The following LYST variants were observed in gnomAD, a reference collection of about 807,000 sequenced individuals.
LYST encodes the protein lysosomal trafficking regulator.
In LYST, 192 loss-of-function variants were observed where a neutral mutation model predicts 413.6. That is an observed-to-expected ratio of 0.46 (90% CI 0.41 to 0.52). The LOEUF (loss-of-function observed/expected upper bound fraction) is 0.52, where lower values mean the gene tolerates loss of function less well. Ranked by LOEUF, LYST falls within the 20% of genes least tolerant of loss-of-function variation. The probability of loss-of-function intolerance (pLI) is 0.00; values close to 1 mark genes in which losing one functional copy is unlikely to be tolerated. For missense variants in LYST, 3,815 were observed against 4,499.9 expected, an observed-to-expected ratio of 0.85 and a Z score of 4.35; for synonymous variants, 1,525 against 1,567.3, an observed-to-expected ratio of 0.97 and a Z score of 0.64.
chr1:235,701,615 G>A (rs1661558582), intron 45 of LYST, among the ~76,000 whole-genome samples: 2 of 152,122 alleles, frequency 1.3e-5, no homozygotes, highest in African/African-American at 2.4e-5. Context: ...GCGACAGAGC[G>A]AGACTCATCT....
intron 19 of LYST, among the ~76,000 whole-genome samples, chr1:235,770,729 T>C (rs1034146100): frequency 6.6e-6 from 1 of 152,202 alleles, no homozygotes; most frequent in Non-Finnish European, 1.5e-5. Flanking sequence ...CAAATCATAC[T>C]AAATTGAAGA....
intron 45 of LYST, 93 bp from the exon 46 acceptor site, chr1:235,697,365 T>C (rs1661193510): frequency 4.5e-6 from 4 of 886,524 alleles, no homozygotes; most frequent in East Asian, 2.6e-5. Context: ...TAAGAGAAAG[T>C]AATATGGATT....
intron 31 of LYST, chr1:235,737,926 TCACTGC>T: frequency 2.5e-6 from 3 of 1,213,242 alleles, no homozygotes; most frequent in South Asian, 3.0e-5. Context: ...AGTCTGGATC[TCACTGC>T]CGCGTGCCCC....
At chr1:235,869,585 G>A (rs1013356230), upstream of LYST, among the ~76,000 whole-genome samples, 2 of 152,222 alleles carry the variant, frequency 1.3e-5, no homozygotes, top group African/African-American at 4.8e-5. Flanking sequence ...AATCTTCAAT[G>A]AGATTGTAAC....
chr1:235,732,049 T>A (rs561055105), intron 34 of LYST, among the ~76,000 whole-genome samples: 2 of 152,014 alleles, frequency 1.3e-5, no homozygotes, highest in African/African-American at 4.8e-5. Context: ...ACCAAAATAC[T>A]GGTAGCGGTT....
rs1372099670 is a variant in LYST, at chr1:235,661,804, C to T, written c.*1136G>A. On this transcript the variant is annotated 3_prime_UTR_variant, in exon 53 of 53. Coordinates refer to ENST00000389793, the MANE Select transcript of LYST (RefSeq NM_000081.4). ...AAGCAGCACCCCAAGTAAAAATATA[C>T]AGACAGCCATCATATGGGAGAGACA... The T allele has an allele frequency of 1.3e-5, 2 of 152,594 alleles. No individual in the cohort carries two copies. The highest frequency in any genetic ancestry group is 2.9e-5 in the Non-Finnish European group (2 of 68,038). 9.5% of individuals were successfully genotyped at this position (152,594 alleles called of 1,614,324 possible). A position where few individuals can be genotyped will look rare whatever the true frequency, so the allele number is the denominator to read the frequency against.
intron 47 of LYST, among the ~76,000 whole-genome samples, chr1:235,688,092 A>T (rs1391098701): frequency 6.6e-6 from 1 of 152,206 alleles, no homozygotes; most frequent in Non-Finnish European, 1.5e-5. Context: ...ATACTTCATA[A>T]ATTTTATTCT....
chr1:235,855,663 A>G (rs921779655), intron 1 of LYST, among the ~76,000 whole-genome samples: 7 of 152,158 alleles, frequency 4.6e-5, no homozygotes, highest in African/African-American at 1.7e-4. Flanking sequence ...TAGCTGTACT[A>G]TAATAATAAA....
chr1:235,868,472 CT>C (rs1436806121), upstream of LYST, among the ~76,000 whole-genome samples: 2 of 152,074 alleles, frequency 1.3e-5, no homozygotes, highest in Admixed American at 6.5e-5. Context: ...AAACACCCCC[CT>C]TTTTTAATGG....
intron 36 of LYST, among the ~76,000 whole-genome samples, chr1:235,730,500 T>G (rs1664272832): frequency 6.6e-6 from 1 of 151,732 alleles, no homozygotes; most frequent in Non-Finnish European, 1.5e-5. Context: ...ACAAAATATG[T>G]GTGTGTATAC....
At chr1:235,680,755 C>A (rs1276648520) in intron 48 of LYST, among the ~76,000 whole-genome samples, 1 of 152,078 alleles carries the variant, frequency 6.6e-6, no homozygotes, top group Non-Finnish European at 1.5e-5. Context: ...GCTGCCACCA[C>A]GCCCGGCTAA....
chr1:235,822,932 C>T (rs1249502955), intron 3 of LYST, among the ~76,000 whole-genome samples: 1 of 152,180 alleles, frequency 6.6e-6, no homozygotes, highest in Non-Finnish European at 1.5e-5. Flanking sequence ...ACCCAATAGC[C>T]CTCAGTTAAT....
chr1:235,788,918 A>C, intron 12 of LYST, 73 bp from the exon 13 acceptor site: 1 of 1,400,470 alleles, frequency 7.1e-7, no homozygotes, highest in Non-Finnish European at 1.0e-6. Context: ...AATTTAGAAG[A>C]ATACAAAGCA....
chr1:235,665,733 CTAAGAT>C (rs1172704921), intron 50 of LYST, among the ~76,000 whole-genome samples: 1 of 151,646 alleles, frequency 6.6e-6, no homozygotes, highest in East Asian at 1.9e-4. Flanking sequence ...TTCAGAACAT[CTAAGAT>C]TAAATCTTAT....
chr1:235,733,455 T>C (rs992220291), intron 34 of LYST, 48 bp downstream of exon 34: 1 of 1,491,696 alleles, frequency 6.7e-7, no homozygotes, highest in Admixed American at 1.7e-5. Flanking sequence ...AACATCAATA[T>C]CTTAAATCTT....
rs181067209 is a variant in LYST at position 235,678,626 on chromosome 1, T to C, written c.10801-1007A>G. On this transcript the variant is annotated intron_variant, in intron 48 of 52. Transcript: ENST00000389793. ...GTATAATAAAGAGCTATATACTGAC[T>C]ACCCAGTTAAACAAATCTTAACATT... is the stretch of plus-strand genomic sequence containing the variant. Among the ~76,000 whole-genome samples the C allele has an allele frequency of 2.6e-5, 4 of 152,312 alleles. No individual in the cohort carries two copies. In the East Asian group the frequency reaches 5.8e-4, roughly 22 times the overall value.
Position 235,664,180 on chromosome 1 carries a change from C to T in LYST, c.11196-125G>A. ...TGTAACAAACAATTAACAGTAGTTC[C>T]CTCTAGGGAGTTTGCAGGGGGTAGA... On this transcript the variant is annotated intron_variant, in intron 51 of 52. Transcript: ENST00000389793. The surrounding 1 kb of genome is among the most constrained non-coding windows in gnomAD (Gnocchi z 4.5). 1 of 839,416 alleles carries T rather than the reference C, an allele frequency of 1.2e-6. No homozygotes were observed. The highest frequency in any genetic ancestry group is 2.0e-6 in the Non-Finnish European group (1 of 497,120). The allele number at this position is 839,416 out of a possible 1,614,324, so 52.0% of individuals were successfully genotyped here.
chr1:235,796,338 G>A (rs781409273), intron 10 of LYST, among the ~76,000 whole-genome samples: 2 of 152,058 alleles, frequency 1.3e-5, no homozygotes, highest in Non-Finnish European at 2.9e-5. Flanking sequence ...ACAGCATAAA[G>A]AATGGGAGAA....
intron 3 of LYST, chr1:235,829,340 G>T (rs1344387269): frequency 4.6e-5 from 7 of 152,058 alleles, no homozygotes; most frequent in Admixed American, 4.6e-4. Context: ...CTCAATATAT[G>T]TATCTATTAG....
Sources: gnomAD v4.1 joint callset for allele counts (sites outside exome capture counted in the v4.1 genomes callset) on GRCh38, gnomAD v4.1.1 for gene constraint, Gnocchi (gnomAD v3.1) non-coding constraint, MANE v1.5 for transcripts, NCBI Gene and HGNC (gene_info 2026-07-23, HGNC 2026-07-21) for gene names.